TBC1D19: variants seen among roughly 807,000 people sequenced by gnomAD.
The protein encoded by TBC1D19 is TBC1 domain family, member 19.
In TBC1D19, 60 loss-of-function variants were observed where a neutral mutation model predicts 89.0. That is an observed-to-expected ratio of 0.67 (90% CI 0.55 to 0.84). The LOEUF (loss-of-function observed/expected upper bound fraction) is 0.84. Ranked by LOEUF, TBC1D19 falls within the 40% of genes least tolerant of loss-of-function variation. The pLI is 0.00. For missense variants in TBC1D19, 500 were observed against 610.8 expected, an observed-to-expected ratio of 0.82 and a Z score of 1.91; for synonymous variants, 189 against 199.7, an observed-to-expected ratio of 0.95 and a Z score of 0.45.
chr4:26,579,801 C>T (rs761153888), upstream of TBC1D19, among the ~76,000 whole-genome samples: 3 of 152,002 alleles, frequency 2.0e-5, no homozygotes, highest in Non-Finnish European at 4.4e-5. Context: ...AAAATGATGG[C>T]TTCCAACTTC....
intron 4 of TBC1D19, among the ~76,000 whole-genome samples, chr4:26,634,198 A>G (rs1686383): frequency 0.86 from 130,640 of 152,020 alleles, 59,403 homozygotes; most frequent in Non-Finnish European, 1. Flanking sequence ...GAAGTGATGG[A>G]CAACTGCAGC....
the TBC1D19 span, among the ~76,000 whole-genome samples, chr4:26,779,108 C>G: frequency 6.6e-6 from 1 of 152,214 alleles, no homozygotes; most frequent in African/African-American, 2.4e-5. Context: ...CATGCTGATT[C>G]AGTAGATCTA....
the TBC1D19 span, among the ~76,000 whole-genome samples, chr4:26,852,378 ACTC>A: frequency 6.6e-6 from 1 of 151,540 alleles, no homozygotes; most frequent in African/African-American, 2.4e-5. Context: ...ACATGACACA[ACTC>A]CTATCTCTAC....
the TBC1D19 span, among the ~76,000 whole-genome samples, chr4:26,839,515 G>C: frequency 4.1e-4 from 63 of 152,064 alleles, 1 homozygote; most frequent in East Asian, 0.011. Flanking sequence ...AGATGTGTGG[G>C]AAGGAGCATG....
intron 7 of TBC1D19, among the ~76,000 whole-genome samples, chr4:26,657,259 C>T (rs368642964): frequency 9.2e-5 from 14 of 151,700 alleles, no homozygotes; most frequent in Admixed American, 2.0e-4. Context: ...TGACAGGCCC[C>T]GGTGTGTGAT....
At chr4:26,682,579 C>T (rs570529795) in intron 11 of TBC1D19, among the ~76,000 whole-genome samples, 8 of 152,256 alleles carry the variant, frequency 5.3e-5, no homozygotes, top group South Asian at 4.2e-4. Flanking sequence ...CATACAGATC[C>T]GCTGTCCTAA....
the TBC1D19 span, among the ~76,000 whole-genome samples, chr4:26,766,894 C>T: frequency 5.6e-4 from 85 of 152,238 alleles, no homozygotes; most frequent in South Asian, 8.7e-3. Flanking sequence ...AAGAAGAAAT[C>T]TATTCTTATC....
At chr4:26,654,833 C>T (rs929033017) in intron 7 of TBC1D19, among the ~76,000 whole-genome samples, 1 of 152,084 alleles carries the variant, frequency 6.6e-6, no homozygotes, top group Non-Finnish European at 1.5e-5. Flanking sequence ...CCTCCTTTAG[C>T]TCGGAGTAGT....
At chr4:26,726,429 G>A (rs548117471) in intron 15 of TBC1D19, among the ~76,000 whole-genome samples, 27 of 152,100 alleles carry the variant, frequency 1.8e-4, no homozygotes, top group Non-Finnish European at 3.8e-4. Context: ...AAATTCATTT[G>A]AGGTATAACT....
At chr4:26,853,788 G>A in the TBC1D19 span, among the ~76,000 whole-genome samples, 3 of 152,204 alleles carry the variant, frequency 2.0e-5, no homozygotes, top group Admixed American at 2.0e-4. Flanking sequence ...GTCCAGCTCA[G>A]CCTCCCAAAG....
intron 7 of TBC1D19, among the ~76,000 whole-genome samples, chr4:26,643,913 G>A (rs1743725471): frequency 6.6e-6 from 1 of 152,178 alleles, no homozygotes; most frequent in African/African-American, 2.4e-5. Context: ...AACAGGCTCT[G>A]AAATTGAGGC....
chr4:26,640,450 G>T (rs144795215), intron 7 of TBC1D19, among the ~76,000 whole-genome samples: 1 of 152,128 alleles, frequency 6.6e-6, no homozygotes, highest in African/African-American at 2.4e-5. Flanking sequence ...CAAGATGGCC[G>T]AATACGAACA....
At chr4:26,652,189 C>T (rs1345854212) in intron 7 of TBC1D19, among the ~76,000 whole-genome samples, 3 of 151,944 alleles carry the variant, frequency 2.0e-5, no homozygotes, top group Non-Finnish European at 2.9e-5. Context: ...TTTGTTGTGT[C>T]TCTGCCAGGC....
chr4:26,677,443 C>T (rs1316146884), intron 11 of TBC1D19, among the ~76,000 whole-genome samples: 3 of 151,746 alleles, frequency 2.0e-5, no homozygotes, highest in Non-Finnish European at 2.9e-5. Flanking sequence ...CTCAGCCTCC[C>T]GATTAGCTGG....
At chr4:26,841,909 G>A in the TBC1D19 span, among the ~76,000 whole-genome samples, 1 of 152,098 alleles carries the variant, frequency 6.6e-6, no homozygotes, top group African/African-American at 2.4e-5. Flanking sequence ...ACAATATAAA[G>A]ATGAACAGTA....
chr4:26,741,342 G>A (rs1170272065), intron 17 of TBC1D19, among the ~76,000 whole-genome samples: 1 of 128,382 alleles, frequency 7.8e-6, no homozygotes, highest in Non-Finnish European at 1.6e-5. Context: ...CGGCCTGGGC[G>A]ACAGAGCGAG....
At chr4:26,626,049 T>C (rs554303786) in intron 4 of TBC1D19, among the ~76,000 whole-genome samples, 4 of 152,256 alleles carry the variant, frequency 2.6e-5, no homozygotes, top group African/African-American at 9.6e-5. Context: ...TTATTTGGAA[T>C]TCCTCTGCAT....
At chr4:26,682,291 A>C (rs953740488) in intron 11 of TBC1D19, among the ~76,000 whole-genome samples, 12 of 152,202 alleles carry the variant, frequency 7.9e-5, no homozygotes, top group Non-Finnish European at 1.5e-4. Context: ...ATTTTGCTTT[A>C]GTTAAAAAAT....
At chr4:26,701,550 G>A (rs190711952) in intron 13 of TBC1D19, among the ~76,000 whole-genome samples, 305 of 151,902 alleles carry the variant, frequency 2.0e-3, no homozygotes, top group African/African-American at 7.1e-3. Context: ...TCATTGATGG[G>A]GTTATCTTTT....
Sources: gnomAD v4.1 joint callset for allele counts (sites outside exome capture counted in the v4.1 genomes callset) on GRCh38, gnomAD v4.1.1 for gene constraint, MANE v1.5 for transcripts, NCBI Gene and HGNC (gene_info 2026-07-23, HGNC 2026-07-21) for gene names.